The following ODF2 variants were observed in gnomAD, a reference collection of about 807,000 sequenced individuals.
ODF2 encodes outer dense fiber protein 2.
In ODF2, 47 loss-of-function variants were observed where a neutral mutation model predicts 110.2. The ratio of observed to expected loss-of-function variants is 0.43; its 90% CI spans 0.34 to 0.54. The LOEUF is 0.54. ODF2 is among the 20% of genes least tolerant of loss of function. The probability of loss-of-function intolerance (pLI) is 0.03; values close to 1 mark genes in which losing one functional copy is unlikely to be tolerated. For synonymous variants in ODF2, 352 were observed against 397.7 expected, an observed-to-expected ratio of 0.89 and a Z score of 1.37; for missense variants, 812 against 1,054.5, an observed-to-expected ratio of 0.77 and a Z score of 3.19.
intron 7 of ODF2, 106 bp from the exon 8 acceptor site, chr9:128,473,504 G>A (rs963159989): frequency 2.4e-5 from 37 of 1,534,728 alleles, no homozygotes; most frequent in South Asian, 6.2e-5. Flanking sequence ...TACACAGCCT[G>A]GTTCTCCTTG....
chr9:128,499,061 G>A, exon 20 of ODF2: 1 of 1,614,172 alleles, frequency 6.2e-7, no homozygotes, highest in Non-Finnish European at 8.5e-7. Flanking sequence ...CAAAATCCTG[G>A]ACCTTGAGAC....
chr9:128,480,143 G>T (rs909131498), intron 8 of ODF2, among the ~76,000 whole-genome samples: 4 of 151,844 alleles, frequency 2.6e-5, no homozygotes, highest in African/African-American at 4.8e-5. Flanking sequence ...GAAATAAAAA[G>T]GTTAAAATGA....
chr9:128,464,156 CT>C (rs1288565881), intron 4 of ODF2, among the ~76,000 whole-genome samples: 156 of 118,538 alleles, frequency 1.3e-3, no homozygotes, highest in African/African-American at 1.2e-3. Context: ...CCAAAAATGC[CT>C]TTTTTTTTTT....
At chr9:128,477,524 G>C (rs1001364212) in intron 8 of ODF2, among the ~76,000 whole-genome samples, 6 of 152,098 alleles carry the variant, frequency 3.9e-5, no homozygotes, top group Admixed American at 2.0e-4. Context: ...CTCAGGCTGA[G>C]TGACAGAGTT....
At chr9:128,487,240 C>A (rs751948304) in intron 13 of ODF2, among the ~76,000 whole-genome samples, 7 of 152,162 alleles carry the variant, frequency 4.6e-5, no homozygotes, top group Non-Finnish European at 8.8e-5. Context: ...AGCTGCCACA[C>A]CCAGCCCACA....
At position 128,498,534 on chromosome 9, in the gene ODF2, G is replaced by GC; in HGVS notation, c.2135dup (p.Arg713LysfsTer8). 6.2e-7 allele frequency: 1 copy of GC among 1,610,986 alleles called. No homozygotes were observed. Among genetic ancestry groups the GC allele is most frequent in the Non-Finnish European group, 8.5e-7 (1 of 1,178,878 alleles). ...GAAAACACGGGAATGTGGGACCCTGGCAAGGCAGTTGGAGAGTGCCATTGA... is the reference window on the plus strand; with the variant it reads ...GAAAACACGGGAATGTGGGACCCTGGCCAAGGCAGTTGGAGAGTGCCATTGA... On this transcript the variant is annotated frameshift_variant, in exon 19 of 21. Transcript: ENST00000604420. LOFTEE classifies it high-confidence loss of function.
At chr9:128,482,601 T>C (rs899761319) in intron 9 of ODF2, among the ~76,000 whole-genome samples, 4 of 152,248 alleles carry the variant, frequency 2.6e-5, no homozygotes, top group Non-Finnish European at 1.5e-5. Context: ...ACAGTTAACA[T>C]TGCTGTTCTT....
chr9:128,471,204 A>C, intron 5 of ODF2, 104 bp from the exon 6 acceptor site: 1 of 1,229,882 alleles, frequency 8.1e-7, no homozygotes, highest in Non-Finnish European at 1.1e-6. Flanking sequence ...GTGAGCCACC[A>C]CGCCCGGCCG....
intron 5 of ODF2, chr9:128,469,611 C>T (rs552678256): frequency 8.4e-5 from 42 of 501,072 alleles, no homozygotes; most frequent in African/African-American, 7.5e-4. Flanking sequence ...ATTTTTACAA[C>T]AGCATGTGAA....
intron 13 of ODF2, among the ~76,000 whole-genome samples, chr9:128,487,082 C>T (rs775623510): frequency 6.6e-5 from 10 of 152,098 alleles, no homozygotes; most frequent in Non-Finnish European, 1.3e-4. Context: ...CTCTCTCTCT[C>T]TCTTTTTTTT....
chr9:128,469,021 G>T, intron 4 of ODF2, 162 bp from the exon 5 acceptor site: 1 of 597,392 alleles, frequency 1.7e-6, no homozygotes, highest in Non-Finnish European at 3.0e-6. Flanking sequence ...AACATGGATA[G>T]GTAATGTTCC....
chr9:128,457,589 G>A, intron 2 of ODF2: 4 of 975,086 alleles, frequency 4.1e-6, no homozygotes, highest in Non-Finnish European at 5.8e-6. Context: ...AAGGGAAGGG[G>A]GAACGAAATG....
rs769620156 is a variant in ODF2 at position 128,471,474 on chromosome 9, G to T, written c.581+6G>T. 1 of 1,612,802 alleles carries T rather than the reference G, an allele frequency of 6.2e-7. No individual in the cohort carries two copies. The highest frequency in any genetic ancestry group is 2.2e-5 in the East Asian group (1 of 44,706). On this transcript the variant is annotated splice_donor_region_variant and intron_variant, in intron 6 of 20. Coordinates refer to ENST00000604420, the Ensembl canonical transcript of ODF2. Reference sequence around the variant, plus strand: ...GAGGAGAAGGACTTCACCATGTAAGGTGGCTCCTGCTCTGTCCCCGCTGAT... The same window carrying T: ...GAGGAGAAGGACTTCACCATGTAAGTTGGCTCCTGCTCTGTCCCCGCTGAT...
exon 12 of ODF2, chr9:128,484,775 G>T (rs754409364): frequency 9.3e-6 from 15 of 1,611,578 alleles, no homozygotes; most frequent in Non-Finnish European, 1.3e-5. Context: ...AGTTGAAGCA[G>T]AAGGGAGACC....
intron 14 of ODF2, among the ~76,000 whole-genome samples, chr9:128,489,927 C>T (rs931500362): frequency 4.6e-5 from 7 of 152,216 alleles, no homozygotes; most frequent in Non-Finnish European, 7.3e-5. Flanking sequence ...GCCTCCTTGG[C>T]AACGCTTGGT....
At chr9:128,460,622 G>A (rs1302842595) in intron 3 of ODF2, 3 of 1,613,948 alleles carry the variant, frequency 1.9e-6, no homozygotes, top group South Asian at 1.1e-5. Flanking sequence ...CCCTGTCCAC[G>A]TCCACATAAA....
At chr9:128,488,856 A>T (rs1243348232) in intron 14 of ODF2, among the ~76,000 whole-genome samples, 2 of 152,068 alleles carry the variant, frequency 1.3e-5, no homozygotes, top group African/African-American at 4.8e-5. Flanking sequence ...ATACAAAAAA[A>T]ATTATCTGGG....
intron 1 of ODF2, chr9:128,457,128 C>A: frequency 6.9e-7 from 1 of 1,443,326 alleles, no homozygotes. Flanking sequence ...CGGTTCTGCC[C>A]CGTCCCCTCC....
chr9:128,500,757 A>C, downstream of ODF2: 1 of 152,364 alleles, frequency 6.6e-6, no homozygotes. Context: ...CTCAGTGCAA[A>C]CCTCTCACTC....
Sources: gnomAD v4.1 joint callset for allele counts (sites outside exome capture counted in the v4.1 genomes callset) on GRCh38, gnomAD v4.1.1 for gene constraint, MANE v1.5 for transcripts, NCBI Gene and HGNC (gene_info 2026-07-23, HGNC 2026-07-21) for gene names.